PREX1: variants seen among roughly 807,000 people sequenced by gnomAD.
The protein encoded by PREX1 is phosphatidylinositol 3,4,5-trisphosphate-dependent Rac exchanger 1 protein.
PREX1 carries 41 observed loss-of-function variants against 198.3 expected under a neutral mutation model. The observed-to-expected ratio is 0.21, with a 90% CI of 0.16 to 0.27. The LOEUF is 0.27. Among genes scored for constraint, PREX1 ranks in the 10% least tolerant of loss-of-function variants. The pLI, the probability that PREX1 is intolerant of heterozygous loss-of-function variation, is 1.00. For synonymous variants in PREX1, 843 were observed against 887.2 expected (o/e 0.95, Z 0.89); for missense variants, 1,620 against 2,200.7 (o/e 0.74, Z 5.28).
chr20:48,733,634 C>CT (rs1335889572), intron 4 of PREX1, among the ~76,000 whole-genome samples: 1 of 152,152 alleles, frequency 6.6e-6, no homozygotes, highest in Non-Finnish European at 1.5e-5. Flanking sequence ...AACACCCAGA[C>CT]TCTGCCATCT....
At chr20:48,659,834 C>T in intron 16 of PREX1, 85 bp downstream of exon 16, 1 of 1,578,668 alleles carries the variant, frequency 6.3e-7, no homozygotes, top group Non-Finnish European at 8.7e-7. Flanking sequence ...GCCCCCTTCC[C>T]TGTGCATAAC....
chr20:48,883,591 G>A, the PREX1 span, among the ~76,000 whole-genome samples: 6 of 152,020 alleles, frequency 3.9e-5, no homozygotes, highest in Non-Finnish European at 1.5e-5. Flanking sequence ...TCTCTATGAA[G>A]TGTCAATGAA....
intron 25 of PREX1, among the ~76,000 whole-genome samples, chr20:48,646,675 CAAAAAAAA>C (rs552888256): frequency 1.2e-5 from 1 of 82,528 alleles, no homozygotes; most frequent in Non-Finnish European, 2.5e-5. Context: ...GAACCCATCT[CAAAAAAAA>C]AAAAAAAAAG....
chr20:48,751,167 T>G (rs2090132447), intron 1 of PREX1, among the ~76,000 whole-genome samples: 1 of 152,166 alleles, frequency 6.6e-6, no homozygotes, highest in Non-Finnish European at 1.5e-5. Flanking sequence ...TCAGGCTCCT[T>G]GGAAGTCTGT....
intron 1 of PREX1, 86 bp from the exon 2 acceptor site, chr20:48,747,966 GC>G (rs1483131600): frequency 8.0e-7 from 1 of 1,247,000 alleles, no homozygotes; most frequent in African/African-American, 1.5e-5. Context: ...AAGTTCAAAT[GC>G]CAACTAGGAT....
intron 31 of PREX1, 117 bp from the exon 32 acceptor site, chr20:48,636,800 T>A: frequency 1.2e-6 from 1 of 850,154 alleles, no homozygotes; most frequent in Non-Finnish European, 1.8e-6. Context: ...AGGGCTAACA[T>A]CAGGCCAGAA....
At chr20:48,808,412 G>A (rs1285822908) in intron 1 of PREX1, among the ~76,000 whole-genome samples, 1 of 152,186 alleles carries the variant, frequency 6.6e-6, no homozygotes, top group African/African-American at 2.4e-5. Flanking sequence ...GCCAGGACTC[G>A]AGGTCACACA....
chr20:48,725,558 G>A (rs1468302904), intron 5 of PREX1, among the ~76,000 whole-genome samples: 2 of 152,240 alleles, frequency 1.3e-5, no homozygotes, highest in Non-Finnish European at 2.9e-5. Context: ...CAACACCTAT[G>A]CCTGCCCTCA....
intron 1 of PREX1, among the ~76,000 whole-genome samples, chr20:48,783,520 T>C (rs1477027494): frequency 1.3e-5 from 2 of 151,950 alleles, no homozygotes; most frequent in Admixed American, 1.3e-4. Context: ...GTGGGGATGG[T>C]ACAAAGGACA....
the PREX1 span, among the ~76,000 whole-genome samples, chr20:48,885,186 C>CATATATGATG: frequency 6.6e-6 from 1 of 152,198 alleles, no homozygotes; most frequent in Admixed American, 6.5e-5. Flanking sequence ...TCATCATCAT[C>CATATATGATG]ACTATAGGTC....
chr20:48,740,646 C>T (rs570036002), intron 3 of PREX1, among the ~76,000 whole-genome samples: 90 of 152,354 alleles, frequency 5.9e-4, no homozygotes, highest in African/African-American at 2.0e-3. Flanking sequence ...GCCTTTAAAA[C>T]TCCTGAGACA....
At chr20:48,650,801 G>T in intron 23 of PREX1, 93 bp downstream of exon 23, 1 of 1,466,886 alleles carries the variant, frequency 6.8e-7, no homozygotes, top group Non-Finnish European at 9.3e-7. Context: ...AGCTGAGTTG[G>T]GTTGGGCTTT....
intron 1 of PREX1, among the ~76,000 whole-genome samples, chr20:48,793,555 C>T (rs1256797135): frequency 6.6e-6 from 1 of 152,192 alleles, no homozygotes; most frequent in Non-Finnish European, 1.5e-5. Context: ...ATATCCACAT[C>T]GATGTTGAAA....
the PREX1 span, among the ~76,000 whole-genome samples, chr20:48,878,385 G>A: frequency 6.6e-6 from 1 of 151,906 alleles, no homozygotes; most frequent in Non-Finnish European, 1.5e-5. Flanking sequence ...TGTTGCCTAG[G>A]CTGGAGTGCA....
chr20:48,818,742 GT>G (rs1047288588), intron 1 of PREX1, among the ~76,000 whole-genome samples: 28 of 152,254 alleles, frequency 1.8e-4, no homozygotes, highest in African/African-American at 6.8e-4. Flanking sequence ...CCGCCAAACA[GT>G]TTTTAATTAT....
chr20:48,757,658 G>A (rs539966309), intron 1 of PREX1, among the ~76,000 whole-genome samples: 9 of 151,940 alleles, frequency 5.9e-5, no homozygotes, highest in African/African-American at 1.9e-4. Flanking sequence ...GGGAGCCCCC[G>A]GCCCCCAGGA....
rs1022881073 is a variant in PREX1, at chr20:48,624,555, C to G, written c.*1330G>C. 1.3e-5 allele frequency: 2 copies of G among 152,290 alleles called. No individual in the cohort carries two copies. Among genetic ancestry groups the G allele is most frequent in the Non-Finnish European group, 2.9e-5 (2 of 68,068 alleles). The allele number at this position is 152,290 out of a possible 1,614,324, so 9.4% of individuals were successfully genotyped here. On this transcript the variant is annotated 3_prime_UTR_variant, in exon 40 of 40. Transcript: ENST00000371941. ...AGGCCTGGGGGCAGCAGGGAGCCCC[C>G]ACCTGAACTCACCACCTGCCAGGGG...
intron 6 of PREX1, among the ~76,000 whole-genome samples, chr20:48,705,124 C>T (rs1568832552): frequency 6.6e-6 from 1 of 152,244 alleles, no homozygotes; most frequent in African/African-American, 2.4e-5. Context: ...TCAACTCCCC[C>T]GTCCTCAAGT....
intron 3 of PREX1, among the ~76,000 whole-genome samples, chr20:48,738,387 G>A (rs756760509): frequency 5.3e-5 from 8 of 152,206 alleles, no homozygotes; most frequent in African/African-American, 9.7e-5. Flanking sequence ...GGAAGGGCAG[G>A]GGCCCAACGC....
Sources: allele counts gnomAD v4.1 joint callset (sites outside exome capture counted in the v4.1 genomes callset), GRCh38; gene constraint gnomAD v4.1.1; transcripts MANE v1.5; gene names NCBI Gene and HGNC (gene_info 2026-07-23, HGNC 2026-07-21).